Variants in RAB11FIP4 observed in about 807,000 individuals in gnomAD.
The protein encoded by RAB11FIP4 is RAB11 family interacting protein 4.
RAB11FIP4 carries 23 observed loss-of-function variants against 74.3 expected under a neutral mutation model. That is an observed-to-expected ratio of 0.31 (90% CI 0.22 to 0.44). The LOEUF is 0.44. RAB11FIP4 is among the 20% of genes least tolerant of loss of function. The pLI is 1.00. For synonymous variants in RAB11FIP4, 360 were observed against 359.9 expected, an observed-to-expected ratio of 1.00 and a Z score of 0.00; for missense variants, 630 against 863.9, an observed-to-expected ratio of 0.73 and a Z score of 3.39.
chr17:31,415,674 G>T (rs1254423435), intron 1 of RAB11FIP4, among the ~76,000 whole-genome samples: 1 of 152,040 alleles, frequency 6.6e-6, no homozygotes, highest in Admixed American at 6.6e-5. Flanking sequence ...CCGAGAGAGG[G>T]GAAGGAGCTC....
chr17:31,430,405 T>C (rs2151627269), intron 1 of RAB11FIP4, among the ~76,000 whole-genome samples: 1 of 145,784 alleles, frequency 6.9e-6, no homozygotes, highest in African/African-American at 2.6e-5. Context: ...TCGCCCAGGC[T>C]GGAGTGCAGT....
chr17:31,484,155 C>G (rs180904889), intron 3 of RAB11FIP4, among the ~76,000 whole-genome samples: 1 of 151,170 alleles, frequency 6.6e-6, no homozygotes, highest in Admixed American at 6.6e-5. Context: ...ACTGCAACCT[C>G]CACCTCTCAG....
intron 3 of RAB11FIP4, among the ~76,000 whole-genome samples, chr17:31,481,298 T>G (rs2071846427): frequency 6.6e-6 from 1 of 151,982 alleles, no homozygotes; most frequent in South Asian, 2.1e-4. Flanking sequence ...GGTATGTTAT[T>G]GACATTTTTT....
Position 31,509,356 on chromosome 17 carries a change from C to T in RAB11FIP4, c.337-8295C>T, listed in dbSNP as rs865803168. 5.2e-4 allele frequency: 79 copies of T among 152,236 alleles called. 1 individual carries two copies. Among genetic ancestry groups the T allele is most frequent in the African/African-American group, 1.8e-3 (76 of 41,464 alleles). 9.4% of individuals were successfully genotyped at this position (152,236 alleles called of 1,614,324 possible). ...CCCGCTCCTGGGGTCTGCAGGCCCA[C>T]CTTAGGATGGAAGTGGAGCGCAGCA... On this transcript the variant is annotated intron_variant, in intron 3 of 14. Transcript: ENST00000621161.
chr17:31,410,364 A>G (rs1395983327), intron 1 of RAB11FIP4, among the ~76,000 whole-genome samples: 4 of 152,172 alleles, frequency 2.6e-5, no homozygotes, highest in Non-Finnish European at 4.4e-5. Context: ...ACATACCTGC[A>G]CCTGCGGCTG....
At chr17:31,493,438 G>T (rs2072051276) in intron 3 of RAB11FIP4, among the ~76,000 whole-genome samples, 1 of 151,752 alleles carries the variant, frequency 6.6e-6, no homozygotes, top group African/African-American at 2.4e-5. Context: ...CATGGAAAGG[G>T]AACCCACATT....
At position 31,537,077 on chromosome 17, in the gene RAB11FIP4, C is replaced by G. The variant is rs1192384696; in HGVS notation, c.*5345C>G. On this transcript the variant is annotated 3_prime_UTR_variant, in exon 15 of 15. Transcript: ENST00000621161. ...ACCCTGCCTCCTGCTGGGGCCCATCCGCTTTGCTGTGCTGCACAGGCTGTT... is the reference window on the plus strand; with the variant it reads ...ACCCTGCCTCCTGCTGGGGCCCATCGGCTTTGCTGTGCTGCACAGGCTGTT... 1.5e-5 allele frequency: 6 copies of G among 399,468 alleles called. No individual in the cohort carries two copies. The East Asian group carries it at 2.1e-4, about 14-fold the overall frequency. 24.7% of individuals were successfully genotyped at this position (399,468 alleles called of 1,614,324 possible).
At chr17:31,410,581 G>A (rs1170990604) in intron 1 of RAB11FIP4, among the ~76,000 whole-genome samples, 3 of 152,016 alleles carry the variant, frequency 2.0e-5, no homozygotes. Flanking sequence ...AGGCATGGTG[G>A]TGCGCACCTG....
intron 1 of RAB11FIP4, among the ~76,000 whole-genome samples, chr17:31,404,771 C>A (rs971597463): frequency 6.6e-6 from 1 of 152,034 alleles, no homozygotes; most frequent in African/African-American, 2.4e-5. Context: ...GGGAAGGGTG[C>A]GGGCTTGTGC....
At chr17:31,503,178 A>G (rs757579491) in intron 3 of RAB11FIP4, among the ~76,000 whole-genome samples, 3 of 151,778 alleles carry the variant, frequency 2.0e-5, no homozygotes, top group Non-Finnish European at 4.4e-5. Flanking sequence ...GACTACAGGC[A>G]TGTGCCACCA....
intron 3 of RAB11FIP4, among the ~76,000 whole-genome samples, chr17:31,482,616 GA>G (rs995585888): frequency 1.5e-4 from 23 of 149,922 alleles, no homozygotes; most frequent in African/African-American, 4.0e-4. Context: ...AAAAAGAAAA[GA>G]AAAAAAATTA....
chr17:31,439,995 G>A (rs1488189337), intron 3 of RAB11FIP4, among the ~76,000 whole-genome samples: 1 of 152,020 alleles, frequency 6.6e-6, no homozygotes, highest in Non-Finnish European at 1.5e-5. Context: ...TTTTAATCTT[G>A]TTTTAGGAGT....
At position 31,524,013 on chromosome 17, in the gene RAB11FIP4, C is replaced by T. The variant is rs372733931; in HGVS notation, c.1133+17C>T. 3.3e-5 allele frequency: 52 copies of T among 1,584,256 alleles called. No homozygotes were observed. Among genetic ancestry groups the T allele is most frequent in the Middle Eastern group, 3.5e-4 (2 of 5,784 alleles). On this transcript the variant is annotated intron_variant, in intron 9 of 14. Coordinates refer to ENST00000621161, the MANE Select transcript of RAB11FIP4 (RefSeq NM_032932.6). The stretch of plus-strand genomic sequence containing the variant: ...GGTGCACAGGTCAAGCAGGCAGCGG[C>T]GCTGGGGGCTCGGCCGTGACGCTGG...
intron 3 of RAB11FIP4, among the ~76,000 whole-genome samples, chr17:31,510,592 A>AT (rs1196620982): frequency 1.3e-5 from 2 of 150,602 alleles, no homozygotes; most frequent in African/African-American, 5.0e-5. Context: ...GCAGCATCTC[A>AT]TCTTAATGCT....
chr17:31,481,546 A>G (rs1383949159), intron 3 of RAB11FIP4, among the ~76,000 whole-genome samples: 1 of 152,048 alleles, frequency 6.6e-6, no homozygotes, highest in Non-Finnish European at 1.5e-5. Context: ...TGGGGAAAGG[A>G]GAGTTGTTTT....
intron 10 of RAB11FIP4, 127 bp from the exon 11 acceptor site, chr17:31,527,715 T>G (rs570787417): frequency 1.1e-5 from 7 of 660,800 alleles, no homozygotes; most frequent in South Asian, 6.4e-5. Context: ...ATAATCATAT[T>G]CTTTCTCTCA....
intron 3 of RAB11FIP4, among the ~76,000 whole-genome samples, chr17:31,498,463 T>C (rs958651645): frequency 1.2e-4 from 19 of 152,022 alleles, no homozygotes; most frequent in African/African-American, 4.4e-4. Flanking sequence ...AGGAGAGGGT[T>C]ATAAAAACCA....
intron 3 of RAB11FIP4, among the ~76,000 whole-genome samples, chr17:31,505,480 AATATATAATAT>A (rs2072306197): frequency 2.2e-5 from 1 of 44,818 alleles, no homozygotes; most frequent in African/African-American, 7.9e-5. Context: ...TAATAATTAT[AATATATAATAT>A]ATAATTATTA....
chr17:31,463,008 T>C (rs533612755), intron 3 of RAB11FIP4, among the ~76,000 whole-genome samples: 377 of 152,290 alleles, frequency 2.5e-3, no homozygotes, highest in African/African-American at 8.2e-3. Flanking sequence ...AAAGCCTTGA[T>C]TGGGTTCTGA....
Sources: gnomAD v4.1 joint callset for allele counts (sites outside exome capture counted in the v4.1 genomes callset) on GRCh38, gnomAD v4.1.1 for gene constraint, MANE v1.5 for transcripts, NCBI Gene and HGNC (gene_info 2026-07-23, HGNC 2026-07-21) for gene names.